The following RALGAPA1 variants were observed in gnomAD, a reference collection of about 807,000 sequenced individuals.
RALGAPA1 encodes the protein ral GTPase-activating protein subunit alpha-1.
Under a neutral mutation model 269.6 loss-of-function variants are expected in RALGAPA1, and 52 were observed. That is an observed-to-expected ratio of 0.19 (90% CI 0.15 to 0.24). RALGAPA1 has a LOEUF of 0.24. Among genes scored for constraint, RALGAPA1 ranks in the 10% least tolerant of loss-of-function variants. The pLI is 1.00. For synonymous variants in RALGAPA1, 817 were observed against 1,008.3 expected, an observed-to-expected ratio of 0.81 and a Z score of 3.60; for missense variants, 1,917 against 3,013.9, an observed-to-expected ratio of 0.64 and a Z score of 8.52.
intron 21 of RALGAPA1, among the ~76,000 whole-genome samples, chr14:35,681,581 T>C (rs1448589312): frequency 6.6e-6 from 1 of 152,208 alleles, no homozygotes; most frequent in Non-Finnish European, 1.5e-5. Context: ...GGAAATCTTT[T>C]GGAAACACAA....
intron 17 of RALGAPA1, among the ~76,000 whole-genome samples, chr14:35,693,402 C>A (rs533629685): frequency 6.6e-6 from 1 of 151,324 alleles, no homozygotes; most frequent in Non-Finnish European, 1.5e-5. Context: ...AATAAAAATG[C>A]CCTCAAAACA....
intron 37 of RALGAPA1, among the ~76,000 whole-genome samples, chr14:35,587,197 G>A (rs544179867): frequency 1.3e-5 from 2 of 152,148 alleles, no homozygotes; most frequent in African/African-American, 2.4e-5. Flanking sequence ...TTGGGAGGGT[G>A]TATGTGTCCA....
At chr14:35,795,760 A>C (rs10151736) in intron 1 of RALGAPA1, among the ~76,000 whole-genome samples, 16,762 of 151,202 alleles carry the variant, frequency 0.11, 1,534 homozygotes, top group East Asian at 0.37. Flanking sequence ...AGATCACTTG[A>C]GACCAGGAGC....
At chr14:35,781,030 T>G (rs2075387034) in intron 1 of RALGAPA1, among the ~76,000 whole-genome samples, 1 of 151,916 alleles carries the variant, frequency 6.6e-6, no homozygotes, top group Non-Finnish European at 1.5e-5. Context: ...AGAAAGGACA[T>G]AAAAGAAATA....
At chr14:35,758,693 C>T (rs556839153) in intron 6 of RALGAPA1, among the ~76,000 whole-genome samples, 55 of 151,920 alleles carry the variant, frequency 3.6e-4, no homozygotes, top group Non-Finnish European at 6.5e-4. Flanking sequence ...GCATTATGAT[C>T]GCACCTGTGA....
chr14:35,691,584 G>C (rs2066489260), intron 17 of RALGAPA1, among the ~76,000 whole-genome samples: 1 of 152,176 alleles, frequency 6.6e-6, no homozygotes. Context: ...TCTTACTCTA[G>C]ATTTTGAGAC....
At chr14:35,636,630 T>G (rs1443871957) in intron 31 of RALGAPA1, among the ~76,000 whole-genome samples, 1 of 152,152 alleles carries the variant, frequency 6.6e-6, no homozygotes, top group East Asian at 1.9e-4. Flanking sequence ...AAGTGATTCT[T>G]GCACCTCAGC....
chr14:35,617,639 G>T (rs1366805331), intron 35 of RALGAPA1, among the ~76,000 whole-genome samples: 1 of 42,212 alleles, frequency 2.4e-5, no homozygotes, highest in East Asian at 1.2e-3. Context: ...GTGTGGGGTG[G>T]GGGGGGGGGG....
At chr14:35,580,283 G>T (rs76178116) in intron 37 of RALGAPA1, among the ~76,000 whole-genome samples, 3,351 of 152,276 alleles carry the variant, frequency 0.022, 122 homozygotes, top group South Asian at 0.14. Flanking sequence ...CAGAGTATCA[G>T]CAAGTGGCTA....
At chr14:35,609,205 C>T (rs191063420) in intron 35 of RALGAPA1, among the ~76,000 whole-genome samples, 8 of 148,896 alleles carry the variant, frequency 5.4e-5, no homozygotes, top group African/African-American at 1.5e-4. Context: ...CCAGCCTAGG[C>T]GACAGAGCGA....
At position 35,541,040 on chromosome 14, in the gene RALGAPA1, ATT is replaced by A. The variant is rs559979336; in HGVS notation, c.*24-1352_*24-1351del. Among the ~76,000 whole-genome samples the A allele has an allele frequency of 1.7e-4, 15 of 89,168 alleles. No individual in the cohort carries two copies. The East Asian group carries it at 1.7e-3, about 10-fold the overall frequency. 58.5% of individuals were successfully genotyped at this position (89,168 alleles called of 152,430 possible). A position where few individuals can be genotyped will look rare whatever the true frequency, so the allele number is the denominator to read the frequency against. On this transcript the variant is annotated intron_variant, in intron 41 of 41. Coordinates refer to ENST00000680220, the MANE Select transcript of RALGAPA1 (RefSeq NM_001346249.2). ...GAATATGTCTTTGCAGAACACTTCA[ATT>A]TTTTTTTTTTTTTTTTTTTTTTGAG...
intron 17 of RALGAPA1, among the ~76,000 whole-genome samples, chr14:35,696,764 A>G (rs887556491): frequency 6.6e-6 from 1 of 152,182 alleles, no homozygotes; most frequent in African/African-American, 2.4e-5. Context: ...AAGTAGTTGA[A>G]GAAACCTCAT....
intron 37 of RALGAPA1, among the ~76,000 whole-genome samples, chr14:35,591,870 G>GTTCTTT (rs2138939837): frequency 6.6e-6 from 1 of 152,268 alleles, no homozygotes; most frequent in South Asian, 2.1e-4. Context: ...CACCTGTACT[G>GTTCTTT]TTCTTGTGAT....
At chr14:35,809,293 TGTGGTAGTGATGGG>T (rs746864345) in exon 1 of RALGAPA1, 410 of 156,256 alleles carry the variant, frequency 2.6e-3, 9 homozygotes, top group East Asian at 1.5e-3. Context: ...CGGAGACGAG[TGTGGTAGTGATGGG>T]GTTTCACGAC....
chr14:35,702,745 T>A (rs1018618269), intron 16 of RALGAPA1, among the ~76,000 whole-genome samples: 2 of 142,420 alleles, frequency 1.4e-5, no homozygotes, highest in African/African-American at 2.7e-5. Flanking sequence ...ATATATACAT[T>A]TTTTTTTTTT....
chr14:35,760,770 AC>A (rs2141360857), intron 6 of RALGAPA1, 58 bp downstream of exon 6: 2 of 1,257,498 alleles, frequency 1.6e-6, no homozygotes, highest in African/African-American at 1.5e-5. Context: ...GAAAAAATAC[AC>A]TAAGAGACTA....
rs565635333 is a variant in RALGAPA1 at position 35,547,687 on chromosome 14, A to G, written c.*23+821T>C. On this transcript the variant is annotated intron_variant, in intron 41 of 41. Transcript: ENST00000680220. ...CTCTTTTACCATCTTTTTTAATGCC[A>G]AACTGGGTAATTTTGGATAGTGTCA... 2.6e-5 allele frequency among the ~76,000 whole-genome samples: 4 copies of G among 152,232 alleles called. 1 individual carries two copies. Among genetic ancestry groups the G allele is most frequent in the African/African-American group, 9.6e-5 (4 of 41,560 alleles).
intron 35 of RALGAPA1, among the ~76,000 whole-genome samples, chr14:35,623,610 C>T (rs1018677689): frequency 6.6e-6 from 1 of 152,020 alleles, no homozygotes; most frequent in Non-Finnish European, 1.5e-5. Context: ...GGTGTTGTTA[C>T]AAAATGTTGG....
chr14:35,758,243 C>CAAAA (rs66473514), intron 6 of RALGAPA1, among the ~76,000 whole-genome samples: 1,151 of 44,712 alleles, frequency 0.026, no homozygotes, highest in Middle Eastern at 0.036. Context: ...GACTCTGTCT[C>CAAAA]AAAAAAAAAA....
Sources: gnomAD v4.1 joint callset for allele counts (sites outside exome capture counted in the v4.1 genomes callset) on GRCh38, gnomAD v4.1.1 for gene constraint, MANE v1.5 for transcripts, NCBI Gene and HGNC (gene_info 2026-07-23, HGNC 2026-07-21) for gene names.